The following BLOC1S5 variants were observed in gnomAD, a reference collection of about 807,000 sequenced individuals.
The protein encoded by BLOC1S5 is biogenesis of lysosomal organelles complex 1 subunit 5.
In BLOC1S5, 27 loss-of-function variants were observed where a neutral mutation model predicts 24.3. The ratio of observed to expected loss-of-function variants is 1.11; its 90% CI spans 0.82 to 1.53. The LOEUF is 1.53. Ranked by LOEUF, BLOC1S5 falls within the 40% of genes most tolerant of loss-of-function variation. The pLI is 0.00. For missense variants in BLOC1S5, 239 were observed against 229.4 expected (o/e 1.04, Z -0.27); for synonymous variants, 84 against 74.5 (o/e 1.13, Z -0.66).
intron 4 of BLOC1S5, among the ~76,000 whole-genome samples, chr6:8,017,385 A>ACACACACAC (rs1762779555): frequency 2.0e-5 from 3 of 149,520 alleles, no homozygotes; most frequent in Admixed American, 1.3e-4. Context: ...CTCAAAAACA[A>ACACACACAC]ACACACACAC....
chr6:8,063,961 G>T (rs777129963), intron 1 of BLOC1S5, among the ~76,000 whole-genome samples: 20 of 152,204 alleles, frequency 1.3e-4, no homozygotes, highest in Non-Finnish European at 2.9e-4. Flanking sequence ...ACTACACGTC[G>T]GTGGCGAGGC....
At chr6:8,041,312 CTTT>C (rs55949249) in intron 2 of BLOC1S5, 44 bp from the exon 3 acceptor site, 737 of 1,080,596 alleles carry the variant, frequency 6.8e-4, no homozygotes, top group Middle Eastern at 1.6e-3. Context: ...GTGTCTTTTC[CTTT>C]TTTTTTTTTT....
rs750257264 is a variant in BLOC1S5 at position 8,064,332 on chromosome 6, G to A, written c.45C>T (p.Ala15=). The change falls in exon 1 of 5, where the codon GCC becomes GCT. Residue 15 remains alanine (A), a synonymous_variant. Coordinates refer to ENST00000397457, the MANE Select transcript of BLOC1S5 (RefSeq NM_201280.3). ...CCCTCTTCTTGCTGCCACCGCCCGG[G>A]GCGGCCTCACAACCCACAGGGGTCT... ...GTETPVGCEA[A]PGGGSKKRDS... The A allele has an allele frequency of 1.2e-6, 2 of 1,613,016 alleles. No homozygotes were observed. Among genetic ancestry groups the A allele is most frequent in the African/African-American group, 2.7e-5 (2 of 74,928 alleles).
chr6:8,052,202 T>C (rs993607389), intron 2 of BLOC1S5, among the ~76,000 whole-genome samples: 7 of 151,790 alleles, frequency 4.6e-5, no homozygotes, highest in African/African-American at 1.7e-4. Flanking sequence ...CTCCTGACCT[T>C]GTGATCCACC....
At chr6:8,052,138 T>C (rs543500643) in intron 2 of BLOC1S5, among the ~76,000 whole-genome samples, 1 of 151,942 alleles carries the variant, frequency 6.6e-6, no homozygotes, top group South Asian at 2.1e-4. Flanking sequence ...GGCTAATTTT[T>C]TTGTATTTTT....
At chr6:8,055,294 G>C (rs1056164835) in intron 2 of BLOC1S5, among the ~76,000 whole-genome samples, 3 of 152,204 alleles carry the variant, frequency 2.0e-5, no homozygotes, top group African/African-American at 7.2e-5. Flanking sequence ...AATCAGCCAG[G>C]TGTGGTGGCG....
At chr6:8,060,698 A>G (rs925821296) in intron 2 of BLOC1S5, among the ~76,000 whole-genome samples, 1 of 152,210 alleles carries the variant, frequency 6.6e-6, no homozygotes, top group African/African-American at 2.4e-5. Flanking sequence ...AGAAGAAAAT[A>G]TAACTCCCAC....
At chr6:8,046,837 G>A (rs1173553939) in intron 2 of BLOC1S5, among the ~76,000 whole-genome samples, 1 of 151,708 alleles carries the variant, frequency 6.6e-6, no homozygotes, top group East Asian at 2.0e-4. Context: ...GTGCAGTGGT[G>A]TGATCATGGC....
intron 4 of BLOC1S5, among the ~76,000 whole-genome samples, chr6:8,025,710 C>G (rs1249652319): frequency 6.6e-6 from 1 of 152,074 alleles, no homozygotes; most frequent in African/African-American, 2.4e-5. Context: ...TCGATACACA[C>G]ACATACAAGC....
chr6:8,031,781 A>G (rs2744005), intron 3 of BLOC1S5, among the ~76,000 whole-genome samples: 39,143 of 152,128 alleles, frequency 0.26, 6,659 homozygotes, highest in East Asian at 0.73. Context: ...GCATAGACCA[A>G]TGGAACAGAA....
rs1291573874 is a variant in BLOC1S5, at chr6:8,029,837, G to GA, written c.326-3413dup. Among the ~76,000 whole-genome samples the GA allele has an allele frequency of 2.0e-5, 3 of 152,144 alleles. No homozygotes were observed. The South Asian group carries it at 6.2e-4, about 32-fold the overall frequency. On this transcript the variant is annotated intron_variant, in intron 3 of 4. Coordinates refer to ENST00000397457, the MANE Select transcript of BLOC1S5 (RefSeq NM_201280.3). ...GAAAAGAAGCAGTGATCTAGTGAAA[G>GA]AAAAAAAGAAATCTGCAGGTAAAAT...
intron 3 of BLOC1S5, among the ~76,000 whole-genome samples, chr6:8,029,720 C>T (rs1295617576): frequency 1.3e-5 from 2 of 152,170 alleles, no homozygotes; most frequent in African/African-American, 4.8e-5. Context: ...AACGAGATAT[C>T]CCTTTGCGGA....
At chr6:8,043,853 C>G (rs1763777639) in intron 2 of BLOC1S5, among the ~76,000 whole-genome samples, 1 of 152,028 alleles carries the variant, frequency 6.6e-6, no homozygotes, top group African/African-American at 2.4e-5. Context: ...TGGGAGGGAC[C>G]TAGGGGGAGG....
chr6:8,048,164 A>G (rs1189259185), intron 2 of BLOC1S5, among the ~76,000 whole-genome samples: 1 of 152,262 alleles, frequency 6.6e-6, no homozygotes, highest in Non-Finnish European at 1.5e-5. Context: ...AGATTATCCC[A>G]GCTTTGTCCA....
Position 8,014,864 on chromosome 6 carries a change from C to T in BLOC1S5, c.*785G>A, listed in dbSNP as rs1762683507. The T allele has an allele frequency of 6.6e-6, 1 of 152,534 alleles. No individual in the cohort carries two copies. Among genetic ancestry groups the T allele is most frequent in the African/African-American group, 2.4e-5 (1 of 41,412 alleles). 9.4% of individuals were successfully genotyped at this position (152,534 alleles called of 1,614,324 possible). On this transcript the variant is annotated 3_prime_UTR_variant, in exon 5 of 5. Coordinates refer to ENST00000397457, the MANE Select transcript of BLOC1S5 (RefSeq NM_201280.3). ...AAGCTTACCCACAGCAAAACAGACA[C>T]AAAAATGAGGTAAATACTATGGGCA...
intron 3 of BLOC1S5, among the ~76,000 whole-genome samples, chr6:8,029,072 C>T (rs1212272563): frequency 6.6e-6 from 1 of 151,992 alleles, no homozygotes; most frequent in Non-Finnish European, 1.5e-5. Flanking sequence ...ATTTTCCTCA[C>T]ATAAAAAAGA....
chr6:8,029,932 T>A (rs1414850959), intron 3 of BLOC1S5, among the ~76,000 whole-genome samples: 3 of 152,096 alleles, frequency 2.0e-5, no homozygotes, highest in African/African-American at 7.2e-5. Flanking sequence ...AATAAATAAC[T>A]AATGCTTCAA....
chr6:8,037,383 A>G (rs1397582273), intron 3 of BLOC1S5, among the ~76,000 whole-genome samples: 1 of 152,228 alleles, frequency 6.6e-6, no homozygotes, highest in Non-Finnish European at 1.5e-5. Context: ...CAATAGCTAC[A>G]AAGAACATAA....
chr6:8,045,463 C>T (rs12211873), intron 2 of BLOC1S5, among the ~76,000 whole-genome samples: 23,783 of 152,062 alleles, frequency 0.16, 1,941 homozygotes, highest in Admixed American at 0.19. Context: ...CACTGCCTAG[C>T]GGAGTTGTGG....
Sources: gnomAD v4.1 joint callset for allele counts (sites outside exome capture counted in the v4.1 genomes callset) on GRCh38, gnomAD v4.1.1 for gene constraint, MANE v1.5 for transcripts, NCBI Gene and HGNC (gene_info 2026-07-23, HGNC 2026-07-21) for gene names.